The following SLC9C1 variants were observed in gnomAD, a reference collection of about 807,000 sequenced individuals.
SLC9C1 encodes the protein sodium/hydrogen exchanger 10.
In SLC9C1, 97 loss-of-function variants were observed where a neutral mutation model predicts 140.9. The observed-to-expected ratio is 0.69, with a 90% confidence interval of 0.58 to 0.82. The LOEUF (loss-of-function observed/expected upper bound fraction) is 0.82. SLC9C1 is among the 40% of genes least tolerant of loss of function. The pLI, the probability that SLC9C1 is intolerant of heterozygous loss-of-function variation, is 0.00. For missense variants in SLC9C1, 1,340 were observed against 1,389.3 expected (o/e 0.96, Z 0.56); for synonymous variants, 440 against 442.6 (o/e 0.99, Z 0.07).
chr3:112,170,799 A>G (rs1467644765), intron 23 of SLC9C1, among the ~76,000 whole-genome samples: 2 of 152,196 alleles, frequency 1.3e-5, no homozygotes, highest in African/African-American at 4.8e-5. Flanking sequence ...TGTGTGTAGT[A>G]TAGGACATGT....
Position 112,141,215 on chromosome 3 carries a change from AG to A in SLC9C1, c.*56del. The stretch of plus-strand genomic sequence containing the variant: ...TTGATGTAGGGAAGTGTGTTTCTGC[AG>A]CAGGAGGCCTCTCATAGCCACAGCA... On this transcript the variant is annotated 3_prime_UTR_variant, in exon 29 of 29. Coordinates refer to ENST00000305815, the MANE Select transcript of SLC9C1 (RefSeq NM_183061.3). 6.7e-7 allele frequency: 1 copy of A among 1,499,380 alleles called. No homozygotes were observed. Among genetic ancestry groups the A allele is most frequent in the Admixed American group, 2.2e-5 (1 of 45,158 alleles). 92.9% of individuals were successfully genotyped at this position (1,499,380 alleles called of 1,614,324 possible).
intron 1 of SLC9C1, among the ~76,000 whole-genome samples, chr3:112,287,573 G>C (rs1483993266): frequency 6.6e-6 from 1 of 152,176 alleles, no homozygotes; most frequent in African/African-American, 2.4e-5. Flanking sequence ...CTTGATAAGA[G>C]TTTGAAACAA....
At chr3:112,175,845 G>A (rs13080696) in intron 23 of SLC9C1, among the ~76,000 whole-genome samples, 45,040 of 152,204 alleles carry the variant, frequency 0.3, 7,236 homozygotes, top group East Asian at 0.42. Context: ...GTGGTGGCCC[G>A]CCCGACCTGC....
At chr3:112,234,494 T>G (rs1489601658) in intron 12 of SLC9C1, among the ~76,000 whole-genome samples, 1 of 152,198 alleles carries the variant, frequency 6.6e-6, no homozygotes, top group Non-Finnish European at 1.5e-5. Flanking sequence ...AGATCCCATT[T>G]GTCAATTTTG....
chr3:112,190,864 C>G (rs571671411), intron 20 of SLC9C1, among the ~76,000 whole-genome samples: 54 of 150,864 alleles, frequency 3.6e-4, no homozygotes, highest in African/African-American at 1.3e-3. Flanking sequence ...TGCTTTTAAT[C>G]TCATTTTAAT....
chr3:112,216,330 G>T (rs1033976421), intron 15 of SLC9C1, among the ~76,000 whole-genome samples: 2 of 151,966 alleles, frequency 1.3e-5, no homozygotes, highest in Admixed American at 6.6e-5. Context: ...CAAAAGCAAT[G>T]GCAACAAAAG....
At chr3:112,148,317 G>A (rs545739474) in intron 28 of SLC9C1, among the ~76,000 whole-genome samples, 2 of 152,076 alleles carry the variant, frequency 1.3e-5, no homozygotes, top group Non-Finnish European at 2.9e-5. Context: ...TCCTTTAGTG[G>A]TGTTACTACA....
Position 112,278,716 on chromosome 3 carries a change from A to G in SLC9C1, c.318+13T>C, listed in dbSNP as rs1185200931. On this transcript the variant is annotated intron_variant, in intron 4 of 28. Transcript: ENST00000305815. ...TTCATGAATGAATGATATTACCAAA[A>G]AAGAATGCTTACCTGCCAAAATAAC... is the stretch of plus-strand genomic sequence containing the variant. 1 of 1,584,668 alleles carries G rather than the reference A, an allele frequency of 6.3e-7. No individual in the cohort carries two copies. The highest frequency in any genetic ancestry group is 8.5e-7 in the Non-Finnish European group (1 of 1,171,936).
chr3:112,191,384 G>A (rs983243507), intron 20 of SLC9C1, among the ~76,000 whole-genome samples: 1 of 152,016 alleles, frequency 6.6e-6, no homozygotes, highest in African/African-American at 2.4e-5. Flanking sequence ...CTAATCTATT[G>A]AGAGTTTTTA....
chr3:112,233,231 T>A (rs1472670476), intron 12 of SLC9C1, among the ~76,000 whole-genome samples: 2 of 151,764 alleles, frequency 1.3e-5, no homozygotes, highest in East Asian at 3.9e-4. Context: ...ACCACCCAAC[T>A]AATTTTTTGT....
rs768136983 is a variant in SLC9C1 at position 112,179,483 on chromosome 3, T to C, written c.2919+48A>G. ...AATACTAAAATAACCTTAAATCTGA[T>C]ATTATTTAACAAAATACAACAAAAG... On this transcript the variant is annotated intron_variant, in intron 23 of 28. Coordinates refer to ENST00000305815, the MANE Select transcript of SLC9C1 (RefSeq NM_183061.3). 2.6e-6 allele frequency: 4 copies of C among 1,546,676 alleles called. No homozygotes were observed. The Admixed American group carries it at 8.1e-5, about 31-fold the overall frequency.
intron 6 of SLC9C1, among the ~76,000 whole-genome samples, chr3:112,272,223 C>G (rs530702264): frequency 6.6e-6 from 1 of 152,056 alleles, no homozygotes; most frequent in East Asian, 1.9e-4. Context: ...ATCTGGAGTT[C>G]GAAGACCCCA....
At chr3:112,212,027 G>A (rs1265212199) in intron 15 of SLC9C1, among the ~76,000 whole-genome samples, 1 of 152,212 alleles carries the variant, frequency 6.6e-6, no homozygotes, top group Non-Finnish European at 1.5e-5. Context: ...GAATGATCAG[G>A]CAGCAACATT....
intron 20 of SLC9C1, among the ~76,000 whole-genome samples, chr3:112,190,060 T>C (rs1576305011): frequency 6.6e-6 from 1 of 152,210 alleles, no homozygotes; most frequent in East Asian, 1.9e-4. Flanking sequence ...ATATGAATGC[T>C]TGTGATTTTT....
chr3:112,147,263 G>A (rs193259752), intron 28 of SLC9C1, among the ~76,000 whole-genome samples: 11 of 152,250 alleles, frequency 7.2e-5, no homozygotes, highest in Admixed American at 4.6e-4. Context: ...TGCCTTTTAC[G>A]TGGGGGTGTT....
At chr3:112,266,580 C>T (rs764894716) in intron 7 of SLC9C1, among the ~76,000 whole-genome samples, 2 of 152,144 alleles carry the variant, frequency 1.3e-5, no homozygotes, top group Non-Finnish European at 2.9e-5. Flanking sequence ...TGCACTGCTT[C>T]GCATACCCCA....
At position 112,274,879 on chromosome 3, in the gene SLC9C1, T is replaced by G; in HGVS notation, c.613+18A>C. ...CAGGATTCTGATGTTGAGAAAAATT[T>G]TTTAAAAATATACTTACCTAAGGTA... On this transcript the variant is annotated intron_variant, in intron 6 of 28. Coordinates refer to ENST00000305815, the MANE Select transcript of SLC9C1 (RefSeq NM_183061.3). 6.6e-7 allele frequency: 1 copy of G among 1,521,016 alleles called. No individual in the cohort carries two copies. The highest frequency in any genetic ancestry group is 8.8e-7 in the Non-Finnish European group (1 of 1,140,472). 94.2% of individuals were successfully genotyped at this position (1,521,016 alleles called of 1,614,324 possible). A position where few individuals can be genotyped will look rare whatever the true frequency, so the allele number is the denominator to read the frequency against.
intron 10 of SLC9C1, among the ~76,000 whole-genome samples, chr3:112,256,721 A>G (rs145332170): frequency 3.4e-4 from 52 of 152,290 alleles, no homozygotes; most frequent in African/African-American, 1.3e-3. Flanking sequence ...GGCCAGGTCA[A>G]TCAGGCAAGA....
At chr3:112,231,237 C>G in intron 13 of SLC9C1, 124 bp downstream of exon 13, 1 of 1,139,760 alleles carries the variant, frequency 8.8e-7, no homozygotes, top group Non-Finnish European at 1.2e-6. Flanking sequence ...AAGACAATGT[C>G]AAACTTCCCT....
Sources: gnomAD v4.1 joint callset for allele counts (sites outside exome capture counted in the v4.1 genomes callset) on GRCh38, gnomAD v4.1.1 for gene constraint, MANE v1.5 for transcripts, NCBI Gene and HGNC (gene_info 2026-07-23, HGNC 2026-07-21) for gene names.